FER: variants seen among roughly 807,000 people sequenced by gnomAD.
FER encodes tyrosine-protein kinase Fer.
A neutral mutation model predicts 111.0 loss-of-function variants in FER; 63 were observed. That is an observed-to-expected ratio of 0.57 (90% CI 0.46 to 0.70). The LOEUF (loss-of-function observed/expected upper bound fraction) is 0.70. FER is among the 30% of genes least tolerant of loss of function. FER has a pLI of 0.00. For synonymous variants in FER, 327 were observed against 313.9 expected (o/e 1.04, Z -0.44); for missense variants, 914 against 954.0 (o/e 0.96, Z 0.55).
chr5:108,918,783 C>T (rs1045078419), intron 10 of FER, among the ~76,000 whole-genome samples: 50 of 151,394 alleles, frequency 3.3e-4, no homozygotes, highest in African/African-American at 1.2e-3. Context: ...CACCGCGCCC[C>T]GCCTTGGACT....
intron 10 of FER, among the ~76,000 whole-genome samples, chr5:108,945,180 A>G (rs573950871): frequency 6.6e-6 from 1 of 152,268 alleles, no homozygotes; most frequent in African/African-American, 2.4e-5. Context: ...GGCATCACTA[A>G]TGCTGGAAGA....
At chr5:108,767,860 G>T (rs545190393) in intron 1 of FER, among the ~76,000 whole-genome samples, 19 of 152,208 alleles carry the variant, frequency 1.2e-4, no homozygotes, top group Non-Finnish European at 2.4e-4. Context: ...GAGGGAATAG[G>T]TTGGAGGAGA....
intron 17 of FER, among the ~76,000 whole-genome samples, chr5:109,166,142 T>G (rs921529832): frequency 1.3e-5 from 2 of 152,086 alleles, no homozygotes; most frequent in East Asian, 3.9e-4. Context: ...TTCTTTTTTT[T>G]TTTCATTTTC....
At chr5:109,050,244 C>T (rs1453817569) in intron 16 of FER, among the ~76,000 whole-genome samples, 1 of 152,022 alleles carries the variant, frequency 6.6e-6, no homozygotes, top group Admixed American at 6.5e-5. Context: ...AAACTAGTAT[C>T]CGTAATAGGA....
chr5:109,018,801 T>C (rs188380203), intron 13 of FER, among the ~76,000 whole-genome samples: 401 of 151,794 alleles, frequency 2.6e-3, no homozygotes, highest in African/African-American at 9.0e-3. Context: ...GGGACTTAAG[T>C]AGTAGAGTTG....
intron 9 of FER, among the ~76,000 whole-genome samples, chr5:108,889,982 G>A (rs1407568930): frequency 2.0e-5 from 3 of 151,934 alleles, no homozygotes; most frequent in Admixed American, 6.6e-5. Flanking sequence ...CTCAATGGTA[G>A]CATCTTGTAA....
intron 2 of FER, among the ~76,000 whole-genome samples, chr5:108,794,535 CCT>C (rs1755796798): frequency 7.2e-6 from 1 of 139,238 alleles, no homozygotes; most frequent in Non-Finnish European, 1.6e-5. Flanking sequence ...CACCCCCCCC[CCT>C]CCCCGCACCT....
intron 11 of FER, among the ~76,000 whole-genome samples, chr5:108,950,810 AT>A (rs1757625381): frequency 6.6e-6 from 1 of 152,138 alleles, no homozygotes. Flanking sequence ...TTTCCTACCT[AT>A]GATTACATTT....
chr5:108,880,660 C>T (rs1765586658), intron 8 of FER, among the ~76,000 whole-genome samples: 1 of 151,996 alleles, frequency 6.6e-6, no homozygotes, highest in African/African-American at 2.4e-5. Context: ...CTCTCAATAA[C>T]TGAAGCTTGT....
intron 13 of FER, among the ~76,000 whole-genome samples, chr5:108,995,357 A>C (rs1023742998): frequency 6.6e-6 from 1 of 151,942 alleles, no homozygotes; most frequent in Non-Finnish European, 1.5e-5. Flanking sequence ...ATGGTGGTTT[A>C]CTGCACCCAT....
At chr5:108,926,053 CCTT>C (rs1753691601) in intron 10 of FER, among the ~76,000 whole-genome samples, 1 of 145,374 alleles carries the variant, frequency 6.9e-6, no homozygotes, top group Admixed American at 6.8e-5. Flanking sequence ...CTTTTATGAT[CCTT>C]CTTTAATATT....
intron 16 of FER, among the ~76,000 whole-genome samples, chr5:109,056,802 A>G (rs1411418424): frequency 1.3e-5 from 2 of 152,204 alleles, no homozygotes; most frequent in East Asian, 1.9e-4. Flanking sequence ...TTTACCATCA[A>G]TATGTATTCC....
chr5:109,173,112 A>T (rs530163889), intron 17 of FER, among the ~76,000 whole-genome samples: 5 of 152,334 alleles, frequency 3.3e-5, no homozygotes, highest in Admixed American at 3.3e-4. Context: ...GCACTTGTAA[A>T]TGTCCAACCA....
intron 10 of FER, among the ~76,000 whole-genome samples, chr5:108,945,796 TTC>T (rs1756907185): frequency 6.6e-6 from 1 of 152,116 alleles, no homozygotes; most frequent in African/African-American, 2.4e-5. Context: ...ATAGCTTGTG[TTC>T]TTTTTTGCAT....
At position 109,151,432 on chromosome 5, in the gene FER, C is replaced by T. The variant is rs535741829; in HGVS notation, c.2049-29315C>T. ...GACTGGTACAAAAGCTACAGACATA[C>T]ATCTTTCACCCAAGGTAAAAGATGA... On this transcript the variant is annotated intron_variant, in intron 17 of 19. Transcript: ENST00000281092. Among the ~76,000 whole-genome samples the T allele has an allele frequency of 5.8e-4, 88 of 152,216 alleles. 1 individual carries two copies. The South Asian group carries it at 0.017, about 29-fold the overall frequency.
chr5:108,847,081 G>A (rs1762100202), intron 5 of FER, among the ~76,000 whole-genome samples: 1 of 151,020 alleles, frequency 6.6e-6, no homozygotes, highest in Non-Finnish European at 1.5e-5. Context: ...TCTTAATGTG[G>A]AAGCTGAGGT....
chr5:109,041,349 A>C (rs553965517), intron 14 of FER, among the ~76,000 whole-genome samples: 32 of 152,254 alleles, frequency 2.1e-4, no homozygotes, highest in African/African-American at 7.5e-4. Context: ...TTTAAGGTGG[A>C]ACACAGAAGG....
At position 108,889,786 on chromosome 5, in the gene FER, A is replaced by T. The variant is rs188840378; in HGVS notation, c.1046+6268A>T. Among the ~76,000 whole-genome samples the T allele has an allele frequency of 1.7e-3, 253 of 152,086 alleles. 1 individual carries two copies. In the Middle Eastern group the frequency reaches 0.024, roughly 14 times the overall value. On this transcript the variant is annotated intron_variant, in intron 9 of 19. Transcript: ENST00000281092. ...AATATCTCATGTACTTCATAAATAT[A>T]TATACCTATTATGTACCCACAAAAA...
At chr5:108,751,857 A>T (rs570032565) in intron 1 of FER, among the ~76,000 whole-genome samples, 2 of 152,268 alleles carry the variant, frequency 1.3e-5, no homozygotes, top group Admixed American at 6.5e-5. Context: ...AAATTCACAC[A>T]TTTGTATATT....
Sources: gnomAD v4.1 joint callset for allele counts (sites outside exome capture counted in the v4.1 genomes callset) on GRCh38, gnomAD v4.1.1 for gene constraint, MANE v1.5 for transcripts, NCBI Gene and HGNC (gene_info 2026-07-23, HGNC 2026-07-21) for gene names.